JAKMIP1: variants seen among roughly 807,000 people sequenced by gnomAD.
The protein encoded by JAKMIP1 is janus kinase and microtubule-interacting protein 1.
Under a neutral mutation model 113.0 loss-of-function variants are expected in JAKMIP1, and 33 were observed. The observed-to-expected ratio is 0.29, with a 90% CI of 0.22 to 0.39. JAKMIP1 has a LOEUF of 0.39. JAKMIP1 is among the 10% of genes least tolerant of loss of function. JAKMIP1 has a pLI of 1.00. For synonymous variants in JAKMIP1, 480 were observed against 459.9 expected, an observed-to-expected ratio of 1.04 and a Z score of -0.56; for missense variants, 813 against 1,080.5, an observed-to-expected ratio of 0.75 and a Z score of 3.47.
chr4:6,098,712 GAA>G (rs760107112), intron 3 of JAKMIP1, among the ~76,000 whole-genome samples: 4 of 8,614 alleles, frequency 4.6e-4, no homozygotes, highest in African/African-American at 6.2e-4. Flanking sequence ...AAGAAAGAAA[GAA>G]AGAAAGAAAA....
intron 8 of JAKMIP1, among the ~76,000 whole-genome samples, chr4:6,072,016 C>T (rs1300700247): frequency 6.6e-6 from 1 of 152,254 alleles, no homozygotes; most frequent in East Asian, 1.9e-4. Context: ...ATGCAAGAAG[C>T]TGCCTTTCCT....
rs1721872831 is a variant in JAKMIP1 at position 6,153,590 on chromosome 4, C to T, written c.-147-40593G>A. 6.6e-6 allele frequency among the ~76,000 whole-genome samples: 1 copy of T among 152,192 alleles called. No individual in the cohort carries two copies. The highest frequency in any genetic ancestry group is 1.5e-5 in the Non-Finnish European group (1 of 68,040). On this transcript the variant is annotated intron_variant, in intron 1 of 20. Coordinates refer to ENST00000409021, the MANE Select transcript of JAKMIP1 (RefSeq NM_001099433.2). This position sits in a 1 kb window ranked among gnomAD's most constrained non-coding sequence, Gnocchi z 4.9. ...CTGTAAGAGGGTGCACCTCAGACAG[C>T]CCTGACAATCTGGAGAGAGAACGTT...
intron 20 of JAKMIP1, among the ~76,000 whole-genome samples, chr4:6,027,576 G>A (rs1402409491): frequency 1.3e-5 from 2 of 152,206 alleles, no homozygotes; most frequent in East Asian, 1.9e-4. Context: ...GGTGGCATGA[G>A]GCATCTTGGA....
chr4:6,090,119 G>A (rs1441512806), intron 3 of JAKMIP1, among the ~76,000 whole-genome samples: 2 of 152,152 alleles, frequency 1.3e-5, no homozygotes, highest in Non-Finnish European at 2.9e-5. Flanking sequence ...CTATTAGGGA[G>A]GCTGAGGCAG....
At chr4:6,083,929 A>G (rs1042786703) in intron 5 of JAKMIP1, among the ~76,000 whole-genome samples, 1 of 152,210 alleles carries the variant, frequency 6.6e-6, no homozygotes, top group Non-Finnish European at 1.5e-5. Flanking sequence ...TTTAAAATTA[A>G]TGTATAAGTT....
chr4:6,125,991 A>ATG, intron 1 of JAKMIP1, among the ~76,000 whole-genome samples: 1 of 147,374 alleles, frequency 6.8e-6, no homozygotes, highest in South Asian at 2.2e-4. Context: ...AAACACACAC[A>ATG]CACACCATAC....
chr4:6,064,536 C>T lies in JAKMIP1; in HGVS notation c.1431+344G>A, dbSNP rs958000767. Among the ~76,000 whole-genome samples, 3 of 152,138 alleles carry T rather than the reference C, an allele frequency of 2.0e-5. No individual in the cohort carries two copies. Among genetic ancestry groups the T allele is most frequent in the Non-Finnish European group, 2.9e-5 (2 of 68,034 alleles). On this transcript the variant is annotated intron_variant, in intron 9 of 20. Coordinates refer to ENST00000409021, the MANE Select transcript of JAKMIP1 (RefSeq NM_001099433.2). This position sits in a 1 kb window ranked among gnomAD's most constrained non-coding sequence, Gnocchi z 4.3. ...CACATGCGTGGGGACCAGGGAGAGACCATTACGCAGCAGTTTTAATTGCAA... is the reference window on the plus strand; with the variant it reads ...CACATGCGTGGGGACCAGGGAGAGATCATTACGCAGCAGTTTTAATTGCAA...
At chr4:6,058,289 T>C (rs1488744315) in intron 11 of JAKMIP1, among the ~76,000 whole-genome samples, 2 of 152,240 alleles carry the variant, frequency 1.3e-5, no homozygotes, top group African/African-American at 4.8e-5. Context: ...AATAATAGTT[T>C]CTTTTTAAAA....
At position 6,080,670 on chromosome 4, in the gene JAKMIP1, T is replaced by C. The variant is rs1232381845; in HGVS notation, c.1102-358A>G. ...CCGCCAAGTAAGATGTGCCTTTAGC[T>C]TTCTGCCATGATTGTGAGGCCTCCC... On this transcript the variant is annotated intron_variant, in intron 6 of 20. Transcript: ENST00000409021. The surrounding 1 kb of genome is among the most constrained non-coding windows in gnomAD (Gnocchi z 6.0). Among the ~76,000 whole-genome samples the C allele has an allele frequency of 1.3e-5, 2 of 152,196 alleles. No individual in the cohort carries two copies. The highest frequency in any genetic ancestry group is 1.9e-4 in the East Asian group (1 of 5,198).
intron 16 of JAKMIP1, among the ~76,000 whole-genome samples, chr4:6,046,131 A>T (rs1578079839): frequency 6.6e-6 from 1 of 152,178 alleles, no homozygotes; most frequent in Middle Eastern, 3.4e-3. Context: ...TGCAATTCTC[A>T]CGTCCCAGGA....
At chr4:6,063,794 G>A (rs922512749) in intron 9 of JAKMIP1, among the ~76,000 whole-genome samples, 7 of 152,242 alleles carry the variant, frequency 4.6e-5, no homozygotes, top group Non-Finnish European at 1.0e-4. Context: ...AGGGGACAAG[G>A]ACAACAAGCA....
intron 13 of JAKMIP1, among the ~76,000 whole-genome samples, chr4:6,052,575 G>A (rs1475660322): frequency 6.6e-6 from 1 of 150,574 alleles, no homozygotes; most frequent in Non-Finnish European, 1.5e-5. Flanking sequence ...ACACTCGGGA[G>A]GCAGAGGTTG....
chr4:6,081,713 C>T lies in JAKMIP1; in HGVS notation c.997G>A (p.Val333Met). 1 of 1,614,162 alleles carries T rather than the reference C, an allele frequency of 6.2e-7. No individual in the cohort carries two copies. Among genetic ancestry groups the T allele is most frequent in the Non-Finnish European group, 8.5e-7 (1 of 1,180,030 alleles). Residue 333 changes from valine to methionine, a missense_variant, in exon 6 of 21, where the codon GTG becomes ATG. By Grantham distance (21) the Val-to-Met change is conservative. Coordinates refer to ENST00000409021, the MANE Select transcript of JAKMIP1 (RefSeq NM_001099433.2). This position sits in a 1 kb window ranked among gnomAD's most constrained non-coding sequence, Gnocchi z 4.6. ...RETEVQLKPL[V>M]EKNKRMNKKN... ...TTGTTCATCCGCTTGTTCTTCTCCACCAGGGGCTTCAGCTGAACCTCGGTC... is the reference window on the plus strand; with the variant it reads ...TTGTTCATCCGCTTGTTCTTCTCCATCAGGGGCTTCAGCTGAACCTCGGTC...
At chr4:6,134,911 A>G (rs1719013152) in intron 1 of JAKMIP1, among the ~76,000 whole-genome samples, 1 of 152,226 alleles carries the variant, frequency 6.6e-6, no homozygotes, top group South Asian at 2.1e-4. Context: ...CGCAGTGTAG[A>G]TGCAGATAAA....
rs1232310207 is a variant in JAKMIP1 at position 6,081,348 on chromosome 4, A to T, written c.1101+261T>A. 6.6e-6 allele frequency among the ~76,000 whole-genome samples: 1 copy of T among 152,218 alleles called. No individual in the cohort carries two copies. The highest frequency in any genetic ancestry group is 1.5e-5 in the Non-Finnish European group (1 of 68,044). ...TTCATTCCCATTTTATGCATGAAGAAACAGAGGCTCAGAGAGAATGGGGGA... is the reference window on the plus strand; with the variant it reads ...TTCATTCCCATTTTATGCATGAAGATACAGAGGCTCAGAGAGAATGGGGGA... On this transcript the variant is annotated intron_variant, in intron 6 of 20. Transcript: ENST00000409021. The surrounding 1 kb of genome is among the most constrained non-coding windows in gnomAD (Gnocchi z 4.6).
intron 3 of JAKMIP1, among the ~76,000 whole-genome samples, chr4:6,101,036 T>G (rs76657949): frequency 0.012 from 1,752 of 152,166 alleles, 26 homozygotes; most frequent in Non-Finnish European, 0.014. Context: ...TGATGAACAA[T>G]GATTATTTCA....
chr4:6,059,626 G>A lies in JAKMIP1; in HGVS notation c.1644+798C>T, dbSNP rs1415905238. 1.3e-5 allele frequency among the ~76,000 whole-genome samples: 2 copies of A among 152,090 alleles called. No homozygotes were observed. Among genetic ancestry groups the A allele is most frequent in the Admixed American group, 6.5e-5 (1 of 15,276 alleles). ...TTTTGCTGAGGCAGCAAACAGCCAA[G>A]CAGAGGAAAAGTTCGAGATGGGGCA... On this transcript the variant is annotated intron_variant, in intron 11 of 20. Transcript: ENST00000409021. This position sits in a 1 kb window ranked among gnomAD's most constrained non-coding sequence, Gnocchi z 4.8.
intron 1 of JAKMIP1, among the ~76,000 whole-genome samples, chr4:6,171,366 C>T (rs1724678303): frequency 6.6e-6 from 1 of 150,994 alleles, no homozygotes; most frequent in African/African-American, 2.4e-5. Flanking sequence ...CCACTACCAC[C>T]CTCCTTACCA....
chr4:6,052,311 T>C (rs1268307829), intron 13 of JAKMIP1, among the ~76,000 whole-genome samples: 1 of 151,910 alleles, frequency 6.6e-6, no homozygotes, highest in Non-Finnish European at 1.5e-5. Flanking sequence ...GGCGTCCCCA[T>C]AGAAAAAGTG....
Sources: allele counts gnomAD v4.1 joint callset (sites outside exome capture counted in the v4.1 genomes callset), GRCh38; gene constraint gnomAD v4.1.1; non-coding constraint Gnocchi (gnomAD v3.1); transcripts MANE v1.5; gene names NCBI Gene and HGNC (gene_info 2026-07-23, HGNC 2026-07-21).